Variants in DTNB observed in about 807,000 individuals in gnomAD.
DTNB encodes the protein dystrobrevin beta.
DTNB carries 63 observed loss-of-function variants against 90.7 expected under a neutral mutation model. The ratio of observed to expected loss-of-function variants is 0.69; its 90% CI spans 0.57 to 0.86. DTNB has a LOEUF of 0.86. Among genes scored for constraint, DTNB ranks in the 40% least tolerant of loss-of-function variants. The pLI is 0.00. For missense variants in DTNB, 744 were observed against 807.1 expected (o/e 0.92, Z 0.95); for synonymous variants, 277 against 286.7 (o/e 0.97, Z 0.34).
At chr2:25,586,092 G>GA (rs1295510926) in intron 6 of DTNB, among the ~76,000 whole-genome samples, 1 of 151,962 alleles carries the variant, frequency 6.6e-6, no homozygotes, top group Non-Finnish European at 1.5e-5. Flanking sequence ...TATTTCCTTT[G>GA]AAAAAATCAT....
chr2:25,404,074 T>C (rs1287719625), intron 16 of DTNB, among the ~76,000 whole-genome samples: 2 of 152,208 alleles, frequency 1.3e-5, no homozygotes, highest in Non-Finnish European at 2.9e-5. Flanking sequence ...AGGATGATCA[T>C]GAAACACCCC....
chr2:25,595,681 G>A lies in DTNB; in HGVS notation c.603+405C>T, dbSNP rs770442449. ...TACCCTTGAGGGATTTTATGCTGGC[G>A]AGTGAGAGCTATACAGCGTTCCCTG... is the stretch of plus-strand genomic sequence containing the variant. On this transcript the variant is annotated intron_variant, in intron 6 of 20. Transcript: ENST00000406818. Among the ~76,000 whole-genome samples the A allele has an allele frequency of 9.9e-5, 15 of 152,160 alleles. No individual in the cohort carries two copies. In the South Asian group the frequency reaches 1.5e-3, roughly 15 times the overall value.
At chr2:25,434,399 CTTTTT>C (rs1179596539) in intron 12 of DTNB, among the ~76,000 whole-genome samples, 2 of 95,506 alleles carry the variant, frequency 2.1e-5, no homozygotes, top group Non-Finnish European at 4.0e-5. Context: ...ATGAACTAGT[CTTTTT>C]TTTTTTTTTT....
intron 9 of DTNB, among the ~76,000 whole-genome samples, chr2:25,520,192 G>T (rs2075897531): frequency 6.6e-6 from 1 of 152,154 alleles, no homozygotes; most frequent in Non-Finnish European, 1.5e-5. Flanking sequence ...GACCAGCCCG[G>T]ACAACATGGT....
At chr2:25,379,146 AG>A in intron 20 of DTNB, 143 bp downstream of exon 20, 1 of 759,076 alleles carries the variant, frequency 1.3e-6, no homozygotes, top group South Asian at 5.6e-5. Flanking sequence ...GGGTGGGCAA[AG>A]GGAAGGGACA....
chr2:25,416,941 A>G (rs1247485027), intron 16 of DTNB, among the ~76,000 whole-genome samples: 2 of 152,218 alleles, frequency 1.3e-5, no homozygotes, highest in Non-Finnish European at 2.9e-5. Context: ...AACAGAAGCT[A>G]GTTCTAAAGC....
At chr2:25,668,015 G>A (rs893197775) in intron 1 of DTNB, among the ~76,000 whole-genome samples, 4 of 152,122 alleles carry the variant, frequency 2.6e-5, no homozygotes, top group Admixed American at 2.0e-4. Flanking sequence ...CAAGGCAGGC[G>A]GATCATGAGG....
chr2:25,653,928 T>C (rs937627625), intron 1 of DTNB, among the ~76,000 whole-genome samples: 1 of 152,206 alleles, frequency 6.6e-6, no homozygotes, highest in African/African-American at 2.4e-5. Flanking sequence ...ACTCCCGCTC[T>C]TGATAACTGC....
chr2:25,531,141 G>A (rs2078091065), intron 9 of DTNB, among the ~76,000 whole-genome samples: 1 of 152,166 alleles, frequency 6.6e-6, no homozygotes, highest in Admixed American at 6.6e-5. Flanking sequence ...CTGCTATAGA[G>A]AAAAAGATCT....
intron 1 of DTNB, among the ~76,000 whole-genome samples, chr2:25,657,682 C>T (rs901018339): frequency 2.0e-5 from 3 of 152,142 alleles, no homozygotes; most frequent in African/African-American, 7.2e-5. Context: ...GATCACACTA[C>T]TGCACTCCAG....
intron 10 of DTNB, among the ~76,000 whole-genome samples, chr2:25,464,707 G>T (rs927858359): frequency 6.6e-6 from 1 of 152,176 alleles, no homozygotes; most frequent in Non-Finnish European, 1.5e-5. Context: ...CATCAGCAGC[G>T]AGAAGTCATG....
In DTNB at chr2:25,416,804, CGAAGGAAGGAAGGAAGGAAG is replaced by C. The variant is rs56106629; in HGVS notation, c.1575+2691_1575+2710del. On this transcript the variant is annotated intron_variant, in intron 16 of 20. Transcript: ENST00000406818. Reference sequence around the variant, plus strand: ...AACCTGGAAGGAAGGAAGGAAGGAACGAAGGAAGGAAGGAAGGAAGGAAGGAAGGAAGGAAGGAAGGAAGG... The same window carrying C: ...AACCTGGAAGGAAGGAAGGAAGGAACGAAGGAAGGAAGGAAGGAAGGAAGG... 2.6e-4 allele frequency among the ~76,000 whole-genome samples: 34 copies of C among 130,066 alleles called. 1 individual carries two copies. In the East Asian group the frequency reaches 5.2e-3, roughly 20 times the overall value. The allele number at this position is 130,066 out of a possible 152,430, so 85.3% of individuals were successfully genotyped here. A position where few individuals can be genotyped will look rare whatever the true frequency, so the allele number is the denominator to read the frequency against.
At position 25,470,396 on chromosome 2, in the gene DTNB, CAG is replaced by C. The variant is rs367766189; in HGVS notation, c.1079+12398_1079+12399del. ...TTTTTTTTTTTTTTTTTTTTTGAGA[CAG>C]AGACTTGCTCTGTTGTGCCCAGGCT... On this transcript the variant is annotated intron_variant, in intron 10 of 20. Transcript: ENST00000406818. 1.3e-3 allele frequency among the ~76,000 whole-genome samples: 174 copies of C among 129,388 alleles called. 5 individuals carry two copies. In the East Asian group the frequency reaches 0.037, roughly 28 times the overall value. 84.9% of individuals were successfully genotyped at this position (129,388 alleles called of 152,430 possible).
chr2:25,544,583 T>A (rs377547469), intron 8 of DTNB, among the ~76,000 whole-genome samples: 27 of 152,188 alleles, frequency 1.8e-4, no homozygotes, highest in East Asian at 5.8e-4. Flanking sequence ...TATCCCCCAG[T>A]GGCAGACTCT....
chr2:25,494,135 T>G (rs139652299), intron 9 of DTNB, among the ~76,000 whole-genome samples: 1 of 152,326 alleles, frequency 6.6e-6, no homozygotes, highest in Non-Finnish European at 1.5e-5. Flanking sequence ...GCATCAGCAC[T>G]GAGCCAGGCC....
At chr2:25,645,370 A>G (rs1465196467) in intron 2 of DTNB, among the ~76,000 whole-genome samples, 4 of 149,720 alleles carry the variant, frequency 2.7e-5, no homozygotes, top group African/African-American at 7.3e-5. Flanking sequence ...AAAAAAAAAA[A>G]GAAAAAAAAA....
At chr2:25,648,218 A>T (rs2079955106) in intron 2 of DTNB, among the ~76,000 whole-genome samples, 1 of 152,182 alleles carries the variant, frequency 6.6e-6, no homozygotes, top group South Asian at 2.1e-4. Context: ...TAAGAATCAT[A>T]AACTACCCAT....
At chr2:25,535,300 C>T (rs542688348) in intron 8 of DTNB, among the ~76,000 whole-genome samples, 514 of 131,738 alleles carry the variant, frequency 3.9e-3, no homozygotes, top group African/African-American at 0.013. Context: ...ACTTCCCAGA[C>T]GGGGGTGGCC....
At chr2:25,473,643 C>T (rs2150321411) in intron 10 of DTNB, among the ~76,000 whole-genome samples, 1 of 152,294 alleles carries the variant, frequency 6.6e-6, no homozygotes, top group East Asian at 1.9e-4. Flanking sequence ...TTTGTATCTC[C>T]TTTGCTGGTG....
Sources: gnomAD v4.1 joint callset for allele counts (sites outside exome capture counted in the v4.1 genomes callset) on GRCh38, gnomAD v4.1.1 for gene constraint, MANE v1.5 for transcripts, NCBI Gene and HGNC (gene_info 2026-07-23, HGNC 2026-07-21) for gene names.